Variants in DYM observed in about 807,000 individuals in gnomAD.
The protein encoded by DYM is dymeclin, also known as dyggve-Melchior-Clausen syndrome protein.
A neutral mutation model predicts 93.1 loss-of-function variants in DYM; 78 were observed. The observed-to-expected ratio is 0.84, with a 90% CI of 0.70 to 1.01. DYM has a LOEUF of 1.01. Among genes scored for constraint, DYM ranks in the 50% least tolerant of loss-of-function variants. The pLI is 0.00. For synonymous variants in DYM, 321 were observed against 319.7 expected (o/e 1.00, Z -0.04); for missense variants, 789 against 845.0 (o/e 0.93, Z 0.82).
intron 3 of DYM, among the ~76,000 whole-genome samples, chr18:49,384,030 GAA>G (rs1483510584): frequency 2.0e-5 from 3 of 152,070 alleles, no homozygotes; most frequent in Non-Finnish European, 4.4e-5. Context: ...ATGCATGAAT[GAA>G]AAGAGAGCAA....
At chr18:49,231,342 C>G (rs762346057) in intron 13 of DYM, among the ~76,000 whole-genome samples, 1 of 152,078 alleles carries the variant, frequency 6.6e-6, no homozygotes, top group Non-Finnish European at 1.5e-5. Flanking sequence ...CATGTTGACA[C>G]CAGCAAAGAA....
chr18:49,233,769 TC>T (rs2093778654), intron 13 of DYM, among the ~76,000 whole-genome samples: 1 of 152,192 alleles, frequency 6.6e-6, no homozygotes, highest in Non-Finnish European at 1.5e-5. Flanking sequence ...TTAAGTATGA[TC>T]CCATGGTGAA....
intron 13 of DYM, 26 bp downstream of exon 13, chr18:49,256,984 G>A (rs772747940): frequency 2.3e-5 from 37 of 1,574,852 alleles, no homozygotes; most frequent in Non-Finnish European, 3.1e-5. Context: ...AGGCAAATCA[G>A]TATTTCTTTT....
intron 1 of DYM, among the ~76,000 whole-genome samples, chr18:49,458,356 A>T (rs947092898): frequency 1.2e-4 from 18 of 152,114 alleles, no homozygotes; most frequent in African/African-American, 4.3e-4. Flanking sequence ...AACAATCAGG[A>T]TGGCAGGATC....
At chr18:49,333,680 T>C (rs142219562) in intron 7 of DYM, 48 bp downstream of exon 7, 11 of 1,585,896 alleles carry the variant, frequency 6.9e-6, no homozygotes, top group East Asian at 2.2e-5. Flanking sequence ...ACTAGAAATA[T>C]AGATTTATAC....
chr18:49,286,490 G>A lies in DYM; in HGVS notation c.890C>T (p.Ala297Val), dbSNP rs571418033. 1.2e-6 allele frequency: 2 copies of A among 1,614,048 alleles called. No homozygotes were observed. The highest frequency in any genetic ancestry group is 2.7e-5 in the African/African-American group (2 of 74,938). ...LLLVLANLTD[A>V]SDAPNPYRQA... ...TCTGTAGGGGTTTGGCGCATCTGAG[G>A]CATCTGTCAGATTGGCCAACACCAG... is the stretch of plus-strand genomic sequence containing the variant. The change falls in exon 9 of 18, where the codon GCC (alanine) becomes GTC (valine). Residue 297 changes from alanine to valine, a missense_variant. Physicochemically the swap from Ala to Val is moderately conservative, Grantham distance 64. Coordinates refer to ENST00000675505, the MANE Select transcript of DYM (RefSeq NM_001353214.3).
At chr18:49,257,327 C>T (rs1386007564) in intron 12 of DYM, among the ~76,000 whole-genome samples, 4 of 152,140 alleles carry the variant, frequency 2.6e-5, no homozygotes, top group Non-Finnish European at 5.9e-5. Flanking sequence ...CTTCATTATT[C>T]CCTCCATGGT....
chr18:49,187,669 A>C (rs1410827745), intron 14 of DYM, among the ~76,000 whole-genome samples: 3 of 152,222 alleles, frequency 2.0e-5, no homozygotes, highest in South Asian at 4.1e-4. Context: ...ACTCTCCCCA[A>C]ATATTTGAGT....
chr18:49,402,188 T>TA (rs2070930827), intron 2 of DYM, among the ~76,000 whole-genome samples: 3 of 152,164 alleles, frequency 2.0e-5, no homozygotes, highest in Middle Eastern at 3.2e-3. Context: ...TCACACCCTC[T>TA]ACATGAAGTG....
At chr18:49,149,352 A>C (rs921860205) in intron 15 of DYM, among the ~76,000 whole-genome samples, 1 of 152,020 alleles carries the variant, frequency 6.6e-6, no homozygotes, top group Non-Finnish European at 1.5e-5. Flanking sequence ...TACAAAGCTC[A>C]TTCCCTCTCC....
At chr18:49,157,413 T>C (rs767877185) in intron 15 of DYM, among the ~76,000 whole-genome samples, 8 of 152,196 alleles carry the variant, frequency 5.3e-5, no homozygotes, top group Non-Finnish European at 7.4e-5. Context: ...ACTTGCTTCA[T>C]GCCAAGGATC....
At chr18:49,416,840 T>C (rs187916010) in intron 2 of DYM, among the ~76,000 whole-genome samples, 2 of 152,302 alleles carry the variant, frequency 1.3e-5, no homozygotes, top group Admixed American at 6.5e-5. Context: ...AATCCTCAGC[T>C]TTCTAACAAG....
chr18:49,130,563 T>C (rs2083290476), intron 15 of DYM, among the ~76,000 whole-genome samples: 2 of 51,892 alleles, frequency 3.9e-5, no homozygotes, highest in South Asian at 2.3e-3. Context: ...TCTCCTACTT[T>C]ACTAAAACAA....
chr18:49,249,248 C>T (rs1280714150), intron 13 of DYM, among the ~76,000 whole-genome samples: 1 of 152,104 alleles, frequency 6.6e-6, no homozygotes, highest in African/African-American at 2.4e-5. Flanking sequence ...AAATGTAACA[C>T]AAGAGAGATA....
intron 13 of DYM, among the ~76,000 whole-genome samples, chr18:49,235,465 TA>T (rs34183679): frequency 0.6 from 91,906 of 152,034 alleles, 30,183 homozygotes; most frequent in Non-Finnish European, 0.74. Context: ...GAAAAAAATT[TA>T]AAAATAGATG....
intron 11 of DYM, among the ~76,000 whole-genome samples, chr18:49,271,962 A>T (rs1209120800): frequency 1.3e-5 from 2 of 151,556 alleles, no homozygotes. Context: ...ATTACCAAAG[A>T]ACCATTTTGA....
At chr18:49,081,680 A>G (rs2078053605) in intron 17 of DYM, among the ~76,000 whole-genome samples, 1 of 152,222 alleles carries the variant, frequency 6.6e-6, no homozygotes, top group Middle Eastern at 3.2e-3. Flanking sequence ...TTCAAGGTTT[A>G]GTCAAAGATG....
intron 8 of DYM, among the ~76,000 whole-genome samples, chr18:49,311,686 T>C (rs909809931): frequency 7.8e-6 from 1 of 128,418 alleles, no homozygotes; most frequent in Admixed American, 9.9e-5. Context: ...AGGAGAACAC[T>C]TGGACACAGG....
rs1481359914 is a variant in DYM, at chr18:49,209,148, G to T, written c.1625+403C>A. 1.2e-4 allele frequency among the ~76,000 whole-genome samples: 19 copies of T among 152,178 alleles called. 1 individual carries two copies. The highest frequency in any genetic ancestry group is 1.2e-3 in the Admixed American group (19 of 15,282). ...CTGAATGCACCTCTATCGGAACATA[G>T]GTGAAATCCTACAGCTAGCTCTCAG... is the stretch of plus-strand genomic sequence containing the variant. On this transcript the variant is annotated intron_variant, in intron 14 of 17. Coordinates refer to ENST00000675505, the MANE Select transcript of DYM (RefSeq NM_001353214.3).
Sources: allele counts gnomAD v4.1 joint callset (sites outside exome capture counted in the v4.1 genomes callset), GRCh38; gene constraint gnomAD v4.1.1; transcripts MANE v1.5; gene names NCBI Gene and HGNC (gene_info 2026-07-23, HGNC 2026-07-21).